The following MGAT5 variants were observed in gnomAD, a reference collection of about 807,000 sequenced individuals.
MGAT5 encodes alpha-1,6-mannosylglycoprotein 6-beta-N-acetylglucosaminyltransferase A.
Under a neutral mutation model 94.3 loss-of-function variants are expected in MGAT5, and 30 were observed. The ratio of observed to expected loss-of-function variants is 0.32; its 90% CI spans 0.24 to 0.43. The LOEUF (loss-of-function observed/expected upper bound fraction) is 0.43, where lower values mean the gene tolerates loss of function less well. MGAT5 is among the 20% of genes least tolerant of loss of function. The pLI is 1.00. For missense variants in MGAT5, 691 were observed against 905.5 expected, an observed-to-expected ratio of 0.76 and a Z score of 3.04; for synonymous variants, 310 against 322.9, an observed-to-expected ratio of 0.96 and a Z score of 0.43.
intron 1 of MGAT5, among the ~76,000 whole-genome samples, chr2:134,125,678 A>C (rs1265929262): frequency 1.3e-5 from 2 of 152,180 alleles, no homozygotes; most frequent in African/African-American, 4.8e-5. Context: ...ATTGATGGCC[A>C]CTGGGCATCT....
intron 13 of MGAT5, among the ~76,000 whole-genome samples, chr2:134,426,759 G>T (rs2106373368): frequency 6.6e-6 from 1 of 151,210 alleles, no homozygotes; most frequent in East Asian, 1.9e-4. Context: ...GCTGTGTCTG[G>T]GTTAGAGAGG....
chr2:134,137,793 G>A lies in MGAT5; in HGVS notation c.-143+17502G>A, dbSNP rs1415764503. On this transcript the variant is annotated intron_variant, in intron 1 of 16. Coordinates refer to the MGAT5 transcript ENST00000409645. Reference sequence around the variant, plus strand: ...TGTTATTGGTCAGTTTTATTATTGAGGCAGTTACATTACATTATATTCTTA... The same window carrying A: ...TGTTATTGGTCAGTTTTATTATTGAAGCAGTTACATTACATTATATTCTTA... Among the ~76,000 whole-genome samples, 3 of 151,472 alleles carry A rather than the reference G, an allele frequency of 2.0e-5. No individual in the cohort carries two copies. In the East Asian group the frequency reaches 5.8e-4, roughly 29 times the overall value.
At chr2:134,228,748 C>T (rs1319983500) in intron 1 of MGAT5, among the ~76,000 whole-genome samples, 8 of 152,134 alleles carry the variant, frequency 5.3e-5, no homozygotes, top group African/African-American at 1.2e-4. Context: ...CTCTGGCACC[C>T]CCTTGGGGTG....
At chr2:134,228,668 TG>T (rs1261617851) in intron 1 of MGAT5, among the ~76,000 whole-genome samples, 1 of 152,228 alleles carries the variant, frequency 6.6e-6, no homozygotes, top group Non-Finnish European at 1.5e-5. Context: ...CAGTGGTTTC[TG>T]GGAAGGCTCT....
intron 1 of MGAT5, among the ~76,000 whole-genome samples, chr2:134,202,048 C>T (rs1335772142): frequency 6.6e-6 from 1 of 151,818 alleles, no homozygotes; most frequent in Non-Finnish European, 1.5e-5. Flanking sequence ...CCCTTGAAAC[C>T]ACCCACCCCA....
chr2:134,265,541 A>G (rs1683660323), intron 1 of MGAT5, among the ~76,000 whole-genome samples: 1 of 152,238 alleles, frequency 6.6e-6, no homozygotes, highest in African/African-American at 2.4e-5. Context: ...TAGAAACCAA[A>G]GCCTGCTTTC....
chr2:134,145,273 G>A (rs1421140162), intron 1 of MGAT5, among the ~76,000 whole-genome samples: 3 of 151,090 alleles, frequency 2.0e-5, no homozygotes, highest in East Asian at 1.9e-4. Context: ...CGGGCTGGGC[G>A]CGGTGGCTCA....
At chr2:134,159,800 C>A (rs565909079) in intron 1 of MGAT5, among the ~76,000 whole-genome samples, 1 of 152,256 alleles carries the variant, frequency 6.6e-6, no homozygotes, top group South Asian at 2.1e-4. Flanking sequence ...AAAGGCATTG[C>A]CTCAATAGTG....
At chr2:134,190,003 T>C (rs1689288156) in intron 1 of MGAT5, among the ~76,000 whole-genome samples, 1 of 152,196 alleles carries the variant, frequency 6.6e-6, no homozygotes, top group African/African-American at 2.4e-5. Context: ...AAATACTGCT[T>C]TTCTGAATTT....
Position 134,448,971 on chromosome 2 carries a change from G to T in MGAT5, c.*124G>T. The T allele has an allele frequency of 1.0e-6, 1 of 994,092 alleles. No homozygotes were observed. Among genetic ancestry groups the T allele is most frequent in the Non-Finnish European group, 1.5e-6 (1 of 677,918 alleles). The allele number at this position is 994,092 out of a possible 1,614,324, so 61.6% of individuals were successfully genotyped here. On this transcript the variant is annotated 3_prime_UTR_variant, in exon 16 of 16. Transcript: ENST00000281923. Reference sequence around the variant, plus strand: ...AAGAGCCTGAACTTTTTCGTAGAAGGTTCTGAATTGGCATTGCCCTTGCTG... The same window carrying T: ...AAGAGCCTGAACTTTTTCGTAGAAGTTTCTGAATTGGCATTGCCCTTGCTG...
Position 134,422,842 on chromosome 2 carries a change from C to T in MGAT5, c.1717C>T (p.Arg573Trp), listed in dbSNP as rs141050390. 1.3e-5 allele frequency: 21 copies of T among 1,613,746 alleles called. No homozygotes were observed. The highest frequency in any genetic ancestry group is 5.0e-5 in the Admixed American group (3 of 59,990). ...QHPYAEVFIG[R>W]PHVWTVDLNN... is the part of the protein sequence containing the mutation. ...TCCTTACGCTGAAGTTTTCATCGGG[C>T]GGCCACATGTGTGGACTGTTGACCT... Residue 573 changes from arginine to tryptophan, a missense_variant, in exon 13 of 16, where the codon CGG becomes TGG. By Grantham distance (101) the Arg-to-Trp change is moderately radical. Around this residue, in one of 4 missense-constraint regions of MGAT5, gnomAD observed 260 missense variants for 347.0 expected, o/e 0.75. Coordinates refer to ENST00000281923, the MANE Select transcript of MGAT5 (RefSeq NM_002410.5).
Position 134,453,374 on chromosome 2 carries a change from C to A in MGAT5, c.*4527C>A, listed in dbSNP as rs952350229. On this transcript the variant is annotated 3_prime_UTR_variant, in exon 16 of 16. Coordinates refer to ENST00000281923, the MANE Select transcript of MGAT5 (RefSeq NM_002410.5). The stretch of plus-strand genomic sequence containing the variant: ...TCCAGCTGGAAAAGGTAAAGGTGAC[C>A]TTTGGCTAGCCACATACTGGACCTT... 2 of 151,018 alleles carry A rather than the reference C, an allele frequency of 1.3e-5. No individual in the cohort carries two copies. The highest frequency in any genetic ancestry group is 1.3e-4 in the Admixed American group (2 of 15,254). The allele number at this position is 151,018 out of a possible 1,614,324, so 9.4% of individuals were successfully genotyped here. A position where few individuals can be genotyped will look rare whatever the true frequency, so the allele number is the denominator to read the frequency against.
At position 134,245,557 on chromosome 2, in the gene MGAT5, C is replaced by T. The variant is rs148843137; in HGVS notation, c.-142-8705C>T. On this transcript the variant is annotated intron_variant, in intron 1 of 16. Transcript: ENST00000409645. ...TGTTGGTTTTCTCTTACCCCACCCA[C>T]GCCCTCTAGTGGCCTGTTTTGCCTC... Among the ~76,000 whole-genome samples the T allele has an allele frequency of 4.9e-4, 75 of 152,332 alleles. 1 individual carries two copies. The highest frequency in any genetic ancestry group is 1.7e-3 in the African/African-American group (69 of 41,570).
chr2:134,324,129 C>A (rs1349093395), intron 4 of MGAT5, among the ~76,000 whole-genome samples: 1 of 152,094 alleles, frequency 6.6e-6, no homozygotes, highest in East Asian at 1.9e-4. Context: ...ACAGTTGTTA[C>A]AGAACCTAGG....
chr2:134,219,608 ATT>A (rs1680657585), intron 1 of MGAT5, among the ~76,000 whole-genome samples: 1 of 152,188 alleles, frequency 6.6e-6, no homozygotes, highest in African/African-American at 2.4e-5. Flanking sequence ...GGCATGGGAT[ATT>A]TTAAAACTTT....
chr2:134,443,563 T>C (rs998493920), intron 15 of MGAT5, among the ~76,000 whole-genome samples: 1 of 152,122 alleles, frequency 6.6e-6, no homozygotes, highest in African/African-American at 2.4e-5. Context: ...GATTCCACCA[T>C]GAAAACAAAA....
chr2:134,184,709 T>C (rs1441625783), intron 1 of MGAT5, among the ~76,000 whole-genome samples: 1 of 151,968 alleles, frequency 6.6e-6, no homozygotes, highest in East Asian at 2.0e-4. Flanking sequence ...TAGATAATTA[T>C]AAAATATAAT....
chr2:134,381,557 A>AGATAGATAGATG (rs1417072503), intron 10 of MGAT5, among the ~76,000 whole-genome samples: 1 of 125,222 alleles, frequency 8.0e-6, no homozygotes, highest in Non-Finnish European at 1.7e-5. Context: ...ATAGATAGAT[A>AGATAGATAGATG]GCACTACAGC....
chr2:134,336,819 AG>A (rs1688361903), intron 5 of MGAT5, among the ~76,000 whole-genome samples: 1 of 152,172 alleles, frequency 6.6e-6, no homozygotes, highest in Non-Finnish European at 1.5e-5. Flanking sequence ...CCAAGGCCAT[AG>A]GTGACTGGAT....
Sources: allele counts gnomAD v4.1 joint callset (sites outside exome capture counted in the v4.1 genomes callset), GRCh38; gene constraint gnomAD v4.1.1; regional missense constraint gnomAD v4.1.1; transcripts MANE v1.5; gene names NCBI Gene and HGNC (gene_info 2026-07-23, HGNC 2026-07-21).